Variants in PARL observed in about 807,000 individuals in gnomAD.
PARL encodes the protein presenilin associated rhomboid like.
In PARL, 44 loss-of-function variants were observed where a neutral mutation model predicts 51.6. The ratio of observed to expected loss-of-function variants is 0.85; its 90% CI spans 0.67 to 1.10. PARL has a LOEUF of 1.10. Ranked by LOEUF, PARL falls within the 50% of genes least tolerant of loss-of-function variation. The probability of loss-of-function intolerance (pLI) is 0.00; values close to 1 mark genes in which losing one functional copy is unlikely to be tolerated. For missense variants in PARL, 441 were observed against 469.5 expected (o/e 0.94, Z 0.56); for synonymous variants, 172 against 164.0 (o/e 1.05, Z -0.37).
chr3:183,827,182 T>C (rs952181043), downstream of PARL, among the ~76,000 whole-genome samples: 1 of 152,082 alleles, frequency 6.6e-6, no homozygotes, highest in African/African-American at 2.4e-5. Flanking sequence ...CGGGTGCAGA[T>C]GGCTCATGCG....
At chr3:183,840,719 T>TC in intron 6 of PARL, 79 bp from the exon 7 acceptor site, 1 of 789,888 alleles carries the variant, frequency 1.3e-6, no homozygotes, top group Admixed American at 2.5e-5. Flanking sequence ...CTTTTTTTTT[T>TC]TTTTGAGACA....
At chr3:183,852,378 T>C (rs1730645892) in intron 4 of PARL, among the ~76,000 whole-genome samples, 1 of 152,076 alleles carries the variant, frequency 6.6e-6, no homozygotes, top group Admixed American at 6.6e-5. Context: ...CGCTATGCTA[T>C]GCAAAAGAAG....
intron 4 of PARL, among the ~76,000 whole-genome samples, chr3:183,849,883 G>C (rs1194611211): frequency 1.3e-5 from 2 of 152,046 alleles, no homozygotes; most frequent in African/African-American, 4.8e-5. Flanking sequence ...ATAGAAATCA[G>C]AATTACTACA....
chr3:183,882,260 T>G (rs1179946960), intron 1 of PARL, among the ~76,000 whole-genome samples: 1 of 33,394 alleles, frequency 3.0e-5, no homozygotes, highest in African/African-American at 1.2e-4. Flanking sequence ...TATATATATA[T>G]ATATATATTT....
Position 183,882,936 on chromosome 3 carries a change from G to T in PARL, c.125+1786C>A, listed in dbSNP as rs144362501. Reference sequence around the variant, plus strand: ...AGAAGTCAACATATAGCTAATAAAGGTTATATATAAGGTAAACTGATACTA... The same window carrying T: ...AGAAGTCAACATATAGCTAATAAAGTTTATATATAAGGTAAACTGATACTA... On this transcript the variant is annotated intron_variant, in intron 1 of 9. Coordinates refer to ENST00000317096, the MANE Select transcript of PARL (RefSeq NM_018622.7). Among the ~76,000 whole-genome samples, 160 of 152,180 alleles carry T rather than the reference G, an allele frequency of 1.1e-3. 1 individual carries two copies. Among genetic ancestry groups the T allele is most frequent in the African/African-American group, 3.7e-3 (154 of 41,514 alleles).
downstream of PARL, among the ~76,000 whole-genome samples, chr3:183,827,380 T>C (rs1727494300): frequency 6.6e-6 from 1 of 151,886 alleles, no homozygotes; most frequent in Non-Finnish European, 1.5e-5. Flanking sequence ...ACTTCAAGGC[T>C]ACAGTGAGCT....
In PARL at chr3:183,868,000, A is replaced by C; in HGVS notation, c.186T>G (p.Pro62=). 1 of 1,614,162 alleles carries C rather than the reference A, an allele frequency of 6.2e-7. No individual in the cohort carries two copies. The highest frequency in any genetic ancestry group is 8.5e-7 in the Non-Finnish European group (1 of 1,180,004). ...CACTTGTCCCTGGGTCTGATCTTCG[A>C]GGTTCAACCTTCCTGGGTGCTTTTC... ...GFRKAPRKVE[P]RRSDPGTSGE... Residue 62 remains proline, a synonymous_variant, in exon 2 of 10, where the codon CCT becomes CCG. Coordinates refer to ENST00000317096, the MANE Select transcript of PARL (RefSeq NM_018622.7).
At chr3:183,849,504 T>G (rs930323092) in intron 4 of PARL, among the ~76,000 whole-genome samples, 4 of 151,360 alleles carry the variant, frequency 2.6e-5, no homozygotes, top group Non-Finnish European at 5.9e-5. Flanking sequence ...ATACCAAAAT[T>G]TATAGGAGGC....
chr3:183,859,046 C>G (rs939748102), intron 4 of PARL, among the ~76,000 whole-genome samples: 1 of 152,070 alleles, frequency 6.6e-6, no homozygotes, highest in African/African-American at 2.4e-5. Flanking sequence ...GTGGCTCACG[C>G]CTGTAATCCC....
At chr3:183,877,908 A>G (rs956142096) in intron 1 of PARL, among the ~76,000 whole-genome samples, 2 of 151,840 alleles carry the variant, frequency 1.3e-5, no homozygotes, top group South Asian at 2.1e-4. Flanking sequence ...CTCCTGTCTC[A>G]GCCTCCTGAG....
intron 3 of PARL, among the ~76,000 whole-genome samples, chr3:183,863,270 G>T (rs1385943555): frequency 6.6e-6 from 1 of 152,044 alleles, no homozygotes; most frequent in African/African-American, 2.4e-5. Context: ...ATAAAAAGAG[G>T]AGGGTCCTAA....
At chr3:183,856,289 T>A (rs1731172123) in intron 4 of PARL, 1 of 152,076 alleles carries the variant, frequency 6.6e-6, no homozygotes, top group South Asian at 2.1e-4. Flanking sequence ...ACAGATCCCC[T>A]CTGTTTCTGG....
chr3:183,847,564 A>AAAATAAAT (rs200425957), intron 4 of PARL, among the ~76,000 whole-genome samples: 1 of 151,992 alleles, frequency 6.6e-6, no homozygotes, highest in Non-Finnish European at 1.5e-5. Context: ...ACCCTGTCTC[A>AAAATAAAT]AAATAAATAA....
At position 183,863,206 on chromosome 3, in the gene PARL, T is replaced by C. The variant is rs144591833; in HGVS notation, c.463-405A>G. Among the ~76,000 whole-genome samples, 535 of 152,296 alleles carry C rather than the reference T, an allele frequency of 3.5e-3. 2 individuals carry two copies. The highest frequency in any genetic ancestry group is 6.8e-3 in the Middle Eastern group (2 of 294). On this transcript the variant is annotated intron_variant, in intron 3 of 9. Transcript: ENST00000317096. ...GTCTTATGTTTTAAAATTCTGAGAA[T>C]ATTGTCTACTAAATTGCACTTTTTT...
rs1401913573 is a variant in PARL at position 183,882,222 on chromosome 3, A to AAAAT, written c.125+2499_125+2500insATTT. 2.8e-3 allele frequency among the ~76,000 whole-genome samples: 131 copies of AAAAT among 46,100 alleles called. 4 individuals carry two copies. Among genetic ancestry groups the AAAAT allele is most frequent in the Non-Finnish European group, 4.1e-3 (102 of 25,098 alleles). 30.2% of individuals were successfully genotyped at this position (46,100 alleles called of 152,430 possible). A position where few individuals can be genotyped will look rare whatever the true frequency, so the allele number is the denominator to read the frequency against. On this transcript the variant is annotated intron_variant, in intron 1 of 9. Coordinates refer to ENST00000317096, the MANE Select transcript of PARL (RefSeq NM_018622.7). ...ATGTCTCTAAAAAAAAAAAAAAAAA[A>AAAAT]ATATATATATATATATATATATTTA...
intron 9 of PARL, among the ~76,000 whole-genome samples, chr3:183,833,094 G>C (rs1728140835): frequency 1.3e-5 from 2 of 152,216 alleles, no homozygotes; most frequent in Non-Finnish European, 2.9e-5. Flanking sequence ...TGTCTAAATA[G>C]CACTGGCGAG....
chr3:183,844,506 A>G (rs1413483823), intron 4 of PARL, 180 bp from the exon 5 acceptor site: 3 of 563,996 alleles, frequency 5.3e-6, no homozygotes, highest in Non-Finnish European at 9.5e-6. Context: ...AGCACTGCCT[A>G]GGGTTGGTAA....
chr3:183,872,249 G>A (rs1029585425), intron 1 of PARL, among the ~76,000 whole-genome samples: 1 of 152,046 alleles, frequency 6.6e-6, no homozygotes, highest in Non-Finnish European at 1.5e-5. Flanking sequence ...TGATCCACCC[G>A]CCTCGGCCTC....
intron 1 of PARL, among the ~76,000 whole-genome samples, chr3:183,869,417 AG>A (rs773828961): frequency 8.5e-5 from 13 of 152,264 alleles, no homozygotes; most frequent in Admixed American, 4.6e-4. Context: ...CATGTTGGTC[AG>A]GCTGGTCTCG....
Sources: allele counts gnomAD v4.1 joint callset (sites outside exome capture counted in the v4.1 genomes callset), GRCh38; gene constraint gnomAD v4.1.1; transcripts MANE v1.5; gene names NCBI Gene and HGNC (gene_info 2026-07-23, HGNC 2026-07-21).